ADAMTSL3: variants seen among roughly 807,000 people sequenced by gnomAD.
ADAMTSL3 encodes the protein ADAMTS-like protein 3.
ADAMTSL3 carries 128 observed loss-of-function variants against 201.7 expected under a neutral mutation model. The observed-to-expected ratio is 0.63, with a 90% CI of 0.55 to 0.73. ADAMTSL3 has a LOEUF of 0.73. Among genes scored for constraint, ADAMTSL3 ranks in the 30% least tolerant of loss-of-function variants. The pLI, the probability that ADAMTSL3 is intolerant of heterozygous loss-of-function variation, is 0.00. For missense variants in ADAMTSL3, 1,990 were observed against 2,119.6 expected, an observed-to-expected ratio of 0.94 and a Z score of 1.20; for synonymous variants, 738 against 748.4, an observed-to-expected ratio of 0.99 and a Z score of 0.23.
intron 17 of ADAMTSL3, among the ~76,000 whole-genome samples, chr15:83,941,435 C>G (rs2142032900): frequency 6.6e-6 from 1 of 151,620 alleles, no homozygotes; most frequent in East Asian, 1.9e-4. Flanking sequence ...AATAAAAATC[C>G]TATAGTTAGA....
intron 20 of ADAMTSL3, among the ~76,000 whole-genome samples, chr15:83,977,827 C>T (rs776314659): frequency 8.5e-5 from 13 of 152,152 alleles, no homozygotes; most frequent in South Asian, 2.1e-4. Context: ...TTACTGTAGC[C>T]GGGCCTCCAT....
intron 4 of ADAMTSL3, among the ~76,000 whole-genome samples, chr15:83,801,099 G>A (rs1466263634): frequency 6.6e-6 from 1 of 151,922 alleles, no homozygotes; most frequent in Non-Finnish European, 1.5e-5. Flanking sequence ...CGTACTCTTA[G>A]CAAGATTTTA....
At chr15:84,018,842 A>C (rs1567305757) in intron 25 of ADAMTSL3, among the ~76,000 whole-genome samples, 2 of 152,142 alleles carry the variant, frequency 1.3e-5, no homozygotes, top group East Asian at 3.9e-4. Flanking sequence ...CTGCTTTTCA[A>C]ATGCATTTGT....
intron 4 of ADAMTSL3, among the ~76,000 whole-genome samples, chr15:83,782,532 T>TA (rs1184867274): frequency 3.9e-5 from 6 of 152,110 alleles, no homozygotes; most frequent in Non-Finnish European, 7.3e-5. Context: ...TGCCCTGGAA[T>TA]ACTATGCAGC....
At chr15:83,673,958 T>G (rs961988634) in intron 2 of ADAMTSL3, among the ~76,000 whole-genome samples, 2 of 152,154 alleles carry the variant, frequency 1.3e-5, no homozygotes, top group Admixed American at 1.3e-4. Context: ...ACTTTTAGCT[T>G]CTTTAATATG....
intron 17 of ADAMTSL3, among the ~76,000 whole-genome samples, chr15:83,939,769 G>A (rs2066522388): frequency 6.6e-6 from 1 of 151,868 alleles, no homozygotes; most frequent in Admixed American, 6.6e-5. Flanking sequence ...TTACAGGCGT[G>A]CACCACCACA....
chr15:83,722,326 G>A (rs949700888), intron 3 of ADAMTSL3, among the ~76,000 whole-genome samples: 4 of 152,246 alleles, frequency 2.6e-5, no homozygotes, highest in East Asian at 3.9e-4. Context: ...GACATCAAAC[G>A]GAAGAGAGGA....
chr15:83,869,174 C>T (rs1440694172), intron 8 of ADAMTSL3, among the ~76,000 whole-genome samples: 2 of 152,116 alleles, frequency 1.3e-5, no homozygotes, highest in East Asian at 3.8e-4. Context: ...TTCCACTGAA[C>T]TTTGCATCTT....
intron 2 of ADAMTSL3, among the ~76,000 whole-genome samples, chr15:83,664,799 G>A (rs1316427566): frequency 2.0e-5 from 3 of 152,314 alleles, no homozygotes; most frequent in East Asian, 1.9e-4. Flanking sequence ...GGAAAACATA[G>A]CAAGACCTCA....
intron 3 of ADAMTSL3, among the ~76,000 whole-genome samples, chr15:83,743,920 G>T (rs1271358795): frequency 2.0e-5 from 3 of 151,040 alleles, no homozygotes; most frequent in Non-Finnish European, 4.4e-5. Context: ...GTGTGATCTC[G>T]GTTCACTGCA....
chr15:83,919,738 A>C (rs953787068), intron 16 of ADAMTSL3, among the ~76,000 whole-genome samples: 2 of 152,168 alleles, frequency 1.3e-5, no homozygotes. Flanking sequence ...AAAAGGCAAC[A>C]AGAAAGCTCT....
At chr15:84,002,936 CTTTTTTTTT>C (rs368176543) in intron 23 of ADAMTSL3, among the ~76,000 whole-genome samples, 3 of 99,986 alleles carry the variant, frequency 3.0e-5, no homozygotes, top group African/African-American at 8.0e-5. Flanking sequence ...CTTTTCTTTT[CTTTTTTTTT>C]TTTTTTTTTT....
intron 3 of ADAMTSL3, among the ~76,000 whole-genome samples, chr15:83,747,856 C>T (rs1159387638): frequency 1.3e-5 from 2 of 151,098 alleles, no homozygotes; most frequent in Admixed American, 1.3e-4. Context: ...TATTTCAGAA[C>T]ATGGGTCATC....
chr15:83,937,271 A>G (rs1416685786), intron 17 of ADAMTSL3, among the ~76,000 whole-genome samples: 1 of 151,008 alleles, frequency 6.6e-6, no homozygotes, highest in Admixed American at 6.6e-5. Context: ...AATACGCATC[A>G]ACAGTAGACT....
At chr15:84,020,434 C>T (rs920826291) in intron 25 of ADAMTSL3, among the ~76,000 whole-genome samples, 3 of 152,176 alleles carry the variant, frequency 2.0e-5, no homozygotes, top group Admixed American at 6.5e-5. Context: ...TCTCAGTAAA[C>T]GTATCTACTT....
intron 12 of ADAMTSL3, 32 bp downstream of exon 12, chr15:83,891,411 A>AAC: frequency 6.3e-7 from 1 of 1,589,916 alleles, no homozygotes; most frequent in Non-Finnish European, 8.6e-7. Context: ...CCTTTTTGCA[A>AAC]TTTAAGTAGT....
At chr15:83,695,227 A>AATGTGTGGTAT (rs1567078283) in intron 2 of ADAMTSL3, among the ~76,000 whole-genome samples, 20 of 470 alleles carry the variant, frequency 0.043, 10 homozygotes, top group Non-Finnish European at 0.074. Context: ...GTGTGTGTGT[A>AATGTGTGGTAT]ATGTGTGTGT....
At chr15:83,904,740 T>C (rs766569081) in intron 15 of ADAMTSL3, among the ~76,000 whole-genome samples, 2 of 152,226 alleles carry the variant, frequency 1.3e-5, no homozygotes, top group African/African-American at 2.4e-5. Flanking sequence ...TTTGTTTCTG[T>C]GGGATTCTTA....
chr15:83,719,378 C>T (rs2062064699), intron 3 of ADAMTSL3, among the ~76,000 whole-genome samples: 1 of 152,140 alleles, frequency 6.6e-6, no homozygotes, highest in Admixed American at 6.5e-5. Flanking sequence ...GATGTATCCA[C>T]CAACTGCAAT....
Sources: allele counts gnomAD v4.1 joint callset (sites outside exome capture counted in the v4.1 genomes callset), GRCh38; gene constraint gnomAD v4.1.1; transcripts MANE v1.5; gene names NCBI Gene and HGNC (gene_info 2026-07-23, HGNC 2026-07-21).